Variants in SLC35F3 observed in about 807,000 individuals in gnomAD.
SLC35F3 encodes the protein solute carrier family 35 member F3, also known as putative thiamine transporter SLC35F3.
SLC35F3 carries 25 observed loss-of-function variants against 49.9 expected under a neutral mutation model. The ratio of observed to expected loss-of-function variants is 0.50; its 90% CI spans 0.37 to 0.70. The LOEUF (loss-of-function observed/expected upper bound fraction) is 0.70. Ranked by LOEUF, SLC35F3 falls within the 30% of genes least tolerant of loss-of-function variation. The pLI, the probability that SLC35F3 is intolerant of heterozygous loss-of-function variation, is 0.00. For synonymous variants in SLC35F3, 275 were observed against 265.4 expected (o/e 1.04, Z -0.35); for missense variants, 525 against 639.8 (o/e 0.82, Z 1.94).
intron 2 of SLC35F3, among the ~76,000 whole-genome samples, chr1:233,907,017 G>A (rs1365603702): frequency 6.6e-6 from 1 of 152,140 alleles, no homozygotes; most frequent in African/African-American, 2.4e-5. Context: ...AAGACAAGGG[G>A]CCAAATTCTC....
At chr1:234,090,916 A>G (rs979119136) in intron 2 of SLC35F3, among the ~76,000 whole-genome samples, 1 of 152,222 alleles carries the variant, frequency 6.6e-6, no homozygotes, top group Non-Finnish European at 1.5e-5. Flanking sequence ...GAAGTTTGGC[A>G]GGCTCAATCT....
At chr1:234,067,672 A>C (rs1664643061) in intron 2 of SLC35F3, among the ~76,000 whole-genome samples, 1 of 152,210 alleles carries the variant, frequency 6.6e-6, no homozygotes, top group South Asian at 2.1e-4. Flanking sequence ...AGTCCCAGCC[A>C]ATAGCCAGCA....
intron 2 of SLC35F3, among the ~76,000 whole-genome samples, chr1:234,106,178 G>A (rs2102884614): frequency 6.6e-6 from 1 of 152,328 alleles, no homozygotes; most frequent in Admixed American, 6.5e-5. Flanking sequence ...ATTGGTCTAT[G>A]CCAATGCTGG....
chr1:234,199,553 T>C (rs1199959009), intron 2 of SLC35F3, among the ~76,000 whole-genome samples: 1 of 152,118 alleles, frequency 6.6e-6, no homozygotes, highest in Non-Finnish European at 1.5e-5. Flanking sequence ...GAAGAAAACA[T>C]AGGAGAAAGA....
chr1:234,093,142 A>G (rs904846275), intron 2 of SLC35F3, among the ~76,000 whole-genome samples: 1 of 152,224 alleles, frequency 6.6e-6, no homozygotes, highest in Non-Finnish European at 1.5e-5. Context: ...AATTGTATAT[A>G]TCAGCTCTGG....
At chr1:234,232,399 G>A (rs908099479) in intron 3 of SLC35F3, among the ~76,000 whole-genome samples, 1 of 151,384 alleles carries the variant, frequency 6.6e-6, no homozygotes, top group Non-Finnish European at 1.5e-5. Context: ...CCCTCCCCGG[G>A]AGTCACACTG....
At chr1:234,158,521 C>A (rs2102912216) in intron 2 of SLC35F3, among the ~76,000 whole-genome samples, 1 of 152,284 alleles carries the variant, frequency 6.6e-6, no homozygotes, top group East Asian at 1.9e-4. Context: ...ATTTCTATAT[C>A]ATTTTTCATC....
chr1:233,999,420 G>A (rs1663514042), intron 2 of SLC35F3, among the ~76,000 whole-genome samples: 2 of 152,014 alleles, frequency 1.3e-5, no homozygotes, highest in African/African-American at 2.4e-5. Context: ...TTTCTCTGCC[G>A]CTCCATATCT....
At chr1:234,155,154 A>G (rs774065769) in intron 2 of SLC35F3, among the ~76,000 whole-genome samples, 114 of 152,102 alleles carry the variant, frequency 7.5e-4, no homozygotes, top group Non-Finnish European at 1.3e-3. Context: ...AATATTTTCA[A>G]TCCGTAGTTG....
chr1:233,932,673 G>A (rs1019183143), intron 2 of SLC35F3, among the ~76,000 whole-genome samples: 2 of 152,184 alleles, frequency 1.3e-5, no homozygotes, highest in African/African-American at 4.8e-5. Flanking sequence ...TAGGGAAAGG[G>A]AGCCACTCCA....
intron 2 of SLC35F3, among the ~76,000 whole-genome samples, chr1:234,008,059 G>A (rs1019503616): frequency 2.6e-5 from 4 of 152,194 alleles, no homozygotes; most frequent in African/African-American, 7.2e-5. Flanking sequence ...TCCTAGGAAC[G>A]GATTCCTTGG....
chr1:234,303,283 T>C (rs1164932413), intron 3 of SLC35F3, among the ~76,000 whole-genome samples: 1 of 152,254 alleles, frequency 6.6e-6, no homozygotes, highest in African/African-American at 2.4e-5. Context: ...ATGATTGCTA[T>C]TTTTTCCCCT....
At chr1:234,158,639 C>T (rs1163365928) in intron 2 of SLC35F3, among the ~76,000 whole-genome samples, 1 of 152,148 alleles carries the variant, frequency 6.6e-6, no homozygotes, top group Non-Finnish European at 1.5e-5. Context: ...TTGTTATAAA[C>T]ATTCTTCTGG....
rs77714790 is a variant in SLC35F3, at chr1:234,039,103, G to T, written c.283+133345G>T. ...AAGTTTGTGACAGAGTTACTTGTTTGAGAGTCATCAGTTTTTAGAAGGTAT... is the reference window on the plus strand; with the variant it reads ...AAGTTTGTGACAGAGTTACTTGTTTTAGAGTCATCAGTTTTTAGAAGGTAT... On this transcript the variant is annotated intron_variant, in intron 2 of 7. Coordinates refer to ENST00000366618, the MANE Select transcript of SLC35F3 (RefSeq NM_173508.4). Among the ~76,000 whole-genome samples, 41 of 152,280 alleles carry T rather than the reference G, an allele frequency of 2.7e-4. No individual in the cohort carries two copies. The East Asian group carries it at 7.9e-3, about 29-fold the overall frequency.
At chr1:234,059,818 C>A (rs1664514867) in intron 2 of SLC35F3, among the ~76,000 whole-genome samples, 1 of 152,190 alleles carries the variant, frequency 6.6e-6, no homozygotes. Flanking sequence ...TGTTTGAGGG[C>A]AGGGAGCATC....
At chr1:234,058,305 AT>A (rs1664485263) in intron 2 of SLC35F3, among the ~76,000 whole-genome samples, 1 of 102,890 alleles carries the variant, frequency 9.7e-6, no homozygotes, top group East Asian at 3.3e-4. Context: ...ATGGTGTATA[AT>A]TGTCTTTATA....
At chr1:233,985,002 T>G (rs1663243626) in intron 2 of SLC35F3, among the ~76,000 whole-genome samples, 1 of 145,840 alleles carries the variant, frequency 6.9e-6, no homozygotes, top group Admixed American at 7.2e-5. Flanking sequence ...TCCTTTATTT[T>G]CATGCAGGGG....
At chr1:234,077,000 T>C (rs1413051580) in intron 2 of SLC35F3, among the ~76,000 whole-genome samples, 3 of 3,290 alleles carry the variant, frequency 9.1e-4, no homozygotes, top group Admixed American at 2.3e-3. Context: ...TTTTTTTTGT[T>C]TTTTTTTTTT....
At chr1:234,077,494 A>C (rs1664809768) in intron 2 of SLC35F3, among the ~76,000 whole-genome samples, 1 of 152,204 alleles carries the variant, frequency 6.6e-6, no homozygotes, top group Non-Finnish European at 1.5e-5. Context: ...TATCATGAGA[A>C]CAGCATGGGG....
Sources: gnomAD v4.1 joint callset for allele counts (sites outside exome capture counted in the v4.1 genomes callset) on GRCh38, gnomAD v4.1.1 for gene constraint, MANE v1.5 for transcripts, NCBI Gene and HGNC (gene_info 2026-07-23, HGNC 2026-07-21) for gene names.